COL5A1: variants seen among roughly 807,000 people sequenced by gnomAD.
The protein encoded by COL5A1 is collagen alpha-1(V) chain.
Under a neutral mutation model 263.7 loss-of-function variants are expected in COL5A1, and 16 were observed. The observed-to-expected ratio is 0.06, with a 90% CI of 0.04 to 0.09. The LOEUF (loss-of-function observed/expected upper bound fraction) is 0.09. COL5A1 is among the 10% of genes least tolerant of loss of function. The probability of loss-of-function intolerance (pLI) is 1.00; values close to 1 mark genes in which losing one functional copy is unlikely to be tolerated. For synonymous variants in COL5A1, 1,012 were observed against 1,004.5 expected (o/e 1.01, Z -0.14); for missense variants, 2,036 against 2,540.5 (o/e 0.80, Z 4.27).
Position 134,681,922 on chromosome 9 carries a change from G to T in COL5A1, c.110-8990G>T, listed in dbSNP as rs925265487. 6.6e-6 allele frequency among the ~76,000 whole-genome samples: 1 copy of T among 150,488 alleles called. No individual in the cohort carries two copies. The highest frequency in any genetic ancestry group is 2.4e-5 in the African/African-American group (1 of 40,858). ...CTCCCTCTCTCTTTCTGTCTGTGTAGCTCTCTCTCTCTCCCTCTCTCTCCC... is the reference window on the plus strand; with the variant it reads ...CTCCCTCTCTCTTTCTGTCTGTGTATCTCTCTCTCTCTCCCTCTCTCTCCC... On this transcript the variant is annotated intron_variant, in intron 1 of 65. Coordinates refer to ENST00000371817, the MANE Select transcript of COL5A1 (RefSeq NM_000093.5). This position sits in a 1 kb window ranked among gnomAD's most constrained non-coding sequence, Gnocchi z 4.3.
chr9:134,792,087 G>A (rs1264410700), intron 32 of COL5A1, among the ~76,000 whole-genome samples: 1 of 152,220 alleles, frequency 6.6e-6, no homozygotes, highest in Non-Finnish European at 1.5e-5. Context: ...CAGAGCTGTG[G>A]GGTCAGGAGG....
At chr9:134,774,675 A>G (rs1276772571) in intron 26 of COL5A1, among the ~76,000 whole-genome samples, 184 bp from the exon 27 acceptor site, 1 of 152,064 alleles carries the variant, frequency 6.6e-6, no homozygotes, top group Non-Finnish European at 1.5e-5. Flanking sequence ...CCACACCTCC[A>G]CTGTCAGTGC....
intron 1 of COL5A1, among the ~76,000 whole-genome samples, chr9:134,643,143 G>A (rs1028170492): frequency 1.1e-4 from 16 of 152,278 alleles, no homozygotes; most frequent in African/African-American, 3.4e-4. Context: ...TCCCTGCCTG[G>A]GTTCTCGAGG....
chr9:134,695,141 G>A (rs1183487318), intron 2 of COL5A1, among the ~76,000 whole-genome samples: 1 of 151,568 alleles, frequency 6.6e-6, no homozygotes, highest in African/African-American at 2.4e-5. Context: ...TCTCTATTTT[G>A]TCCTCTGTAG....
chr9:134,730,514 TG>T, intron 7 of COL5A1, 39 bp downstream of exon 7: 1 of 1,612,776 alleles, frequency 6.2e-7, no homozygotes, highest in South Asian at 1.1e-5. Context: ...TCTGGGGCAG[TG>T]GGCCAAGGGC....
At chr9:134,811,628 C>G in intron 46 of COL5A1, 29 bp downstream of exon 46, 1 of 1,504,298 alleles carries the variant, frequency 6.6e-7, no homozygotes, top group Non-Finnish European at 9.1e-7. Context: ...CCACACCGGG[C>G]TCCTCCGCTT....
chr9:134,816,103 T>C lies in COL5A1; in HGVS notation c.4122+115T>C, dbSNP rs28658270. The C allele has an allele frequency of 8.7e-6, 8 of 916,546 alleles. No individual in the cohort carries two copies. The African/African-American group carries it at 9.8e-5, about 11-fold the overall frequency. 56.8% of individuals were successfully genotyped at this position (916,546 alleles called of 1,614,324 possible). A position where few individuals can be genotyped will look rare whatever the true frequency, so the allele number is the denominator to read the frequency against. On this transcript the variant is annotated intron_variant, in intron 52 of 65. Transcript: ENST00000371817. ...CTCCAACCTAGTTGATATTGATTCC[T>C]TTATGATATCGATTCCCTTATGATA... is the stretch of plus-strand genomic sequence containing the variant.
intron 31 of COL5A1, among the ~76,000 whole-genome samples, chr9:134,787,327 A>T (rs938332722): frequency 6.6e-6 from 1 of 152,174 alleles, no homozygotes; most frequent in African/African-American, 2.4e-5. Flanking sequence ...TGTCACCTGC[A>T]CTGAGGTTTC....
chr9:134,771,195 G>C (rs1001739979), intron 25 of COL5A1, among the ~76,000 whole-genome samples: 3 of 152,272 alleles, frequency 2.0e-5, no homozygotes, highest in African/African-American at 7.2e-5. Context: ...GCCCGGTCCA[G>C]AGCCGGGCTC....
chr9:134,721,904 T>C (rs1437789908), intron 4 of COL5A1, among the ~76,000 whole-genome samples: 3 of 152,196 alleles, frequency 2.0e-5, no homozygotes, highest in Admixed American at 1.3e-4. Flanking sequence ...CTCACCTGCA[T>C]GTGTAGGGAA....
In COL5A1 at chr9:134,647,103, T is replaced by C. The variant is rs1349749684; in HGVS notation, c.109+4807T>C. 6.6e-6 allele frequency among the ~76,000 whole-genome samples: 1 copy of C among 152,128 alleles called. No individual in the cohort carries two copies. Among genetic ancestry groups the C allele is most frequent in the African/African-American group, 2.4e-5 (1 of 41,442 alleles). On this transcript the variant is annotated intron_variant, in intron 1 of 65. Transcript: ENST00000371817. This position sits in a 1 kb window ranked among gnomAD's most constrained non-coding sequence, Gnocchi z 5.0. Reference sequence around the variant, plus strand: ...GTGGTTTTGCAGGAGGAAAGAGCAGTGTTCCCACAGCCCTCTTTAGCTCCC... The same window carrying C: ...GTGGTTTTGCAGGAGGAAAGAGCAGCGTTCCCACAGCCCTCTTTAGCTCCC...
rs945617682 is a variant in COL5A1 at position 134,842,730 on chromosome 9, A to C, written c.*427A>C. ...TGTGTATTTCCCCTGACCTTCAAAA[A>C]ATGTTCCAAGGTAAGCCTCGTAAAG... is the stretch of plus-strand genomic sequence containing the variant. On this transcript the variant is annotated 3_prime_UTR_variant, in exon 66 of 66. Coordinates refer to ENST00000371817, the MANE Select transcript of COL5A1 (RefSeq NM_000093.5). The surrounding 1 kb of genome is among the most constrained non-coding windows in gnomAD (Gnocchi z 5.8). 1 of 231,816 alleles carries C rather than the reference A, an allele frequency of 4.3e-6. No homozygotes were observed. Among genetic ancestry groups the C allele is most frequent in the Non-Finnish European group, 8.6e-6 (1 of 116,330 alleles). The allele number at this position is 231,816 out of a possible 1,614,324, so 14.4% of individuals were successfully genotyped here.
At chr9:134,774,165 C>A (rs1317924236) in intron 26 of COL5A1, among the ~76,000 whole-genome samples, 1 of 152,242 alleles carries the variant, frequency 6.6e-6, no homozygotes, top group African/African-American at 2.4e-5. Context: ...CCTCTATGTG[C>A]CAGGCATCCT....
In COL5A1 at chr9:134,739,450, G is replaced by C. The variant is rs1030931160; in HGVS notation, c.1494+642G>C. Among the ~76,000 whole-genome samples, 84 of 152,364 alleles carry C rather than the reference G, an allele frequency of 5.5e-4. 1 individual carries two copies. The highest frequency in any genetic ancestry group is 2.0e-3 in the African/African-American group (83 of 41,594). On this transcript the variant is annotated intron_variant, in intron 11 of 65. Transcript: ENST00000371817. Reference sequence around the variant, plus strand: ...TCCTGGACAGCTGGCTTGTGGGTGGGAGAAACAAGGGCTGCGTGCGGGTGT... The same window carrying C: ...TCCTGGACAGCTGGCTTGTGGGTGGCAGAAACAAGGGCTGCGTGCGGGTGT...
rs550498117 is a variant in COL5A1 at position 134,754,523 on chromosome 9, A to G, written c.1827+197A>G. ...GAGGGGCGCTCTGTGTCCTGGGCGCAGACACAGCGGACCAGGCCTCTTCCC... is the reference window on the plus strand; with the variant it reads ...GAGGGGCGCTCTGTGTCCTGGGCGCGGACACAGCGGACCAGGCCTCTTCCC... On this transcript the variant is annotated intron_variant, in intron 16 of 65. Transcript: ENST00000371817. This position sits in a 1 kb window ranked among gnomAD's most constrained non-coding sequence, Gnocchi z 4.3. Among the ~76,000 whole-genome samples the G allele has an allele frequency of 9.8e-5, 15 of 152,364 alleles. No homozygotes were observed. Among genetic ancestry groups the G allele is most frequent in the African/African-American group, 3.1e-4 (13 of 41,590 alleles).
intron 52 of COL5A1, among the ~76,000 whole-genome samples, chr9:134,816,413 T>C (rs1450512916): frequency 6.6e-6 from 1 of 152,224 alleles, no homozygotes; most frequent in Admixed American, 6.5e-5. Context: ...AAACACCGCT[T>C]CAAGCCCAGA....
Position 134,782,717 on chromosome 9 carries a change from T to C in COL5A1, c.2481T>C (p.Asp827=). 1 of 1,613,342 alleles carries C rather than the reference T, an allele frequency of 6.2e-7. No individual in the cohort carries two copies. Among genetic ancestry groups the C allele is most frequent in the Non-Finnish European group, 8.5e-7 (1 of 1,179,840 alleles). ...AAGGAGACATGGGCATCAAGGGTGATCGGGTGAGCATCTCAGGTTTGGGAT... is the reference window on the plus strand; with the variant it reads ...AAGGAGACATGGGCATCAAGGGTGACCGGGTGAGCATCTCAGGTTTGGGAT... ...GFKGDMGIKG[D]RGEIGPPGPR... The change falls in exon 29 of 66, where the codon GAT becomes GAC. Residue 827 remains aspartate, a synonymous_variant. Coordinates refer to ENST00000371817, the MANE Select transcript of COL5A1 (RefSeq NM_000093.5).
Position 134,730,247 on chromosome 9 carries a change from G to C in COL5A1, c.936G>C (p.Pro312=). 6.2e-7 allele frequency: 1 copy of C among 1,613,816 alleles called. No homozygotes were observed. Among genetic ancestry groups the C allele is most frequent in the South Asian group, 1.1e-5 (1 of 91,084 alleles). Reference sequence around the variant, plus strand: ...TCCTTGGCTCCCAGGAGCTGACCCCGACCCCCACGGAAGCTGCTCCCATGC... The same window carrying C: ...TCCTTGGCTCCCAGGAGCTGACCCCCACCCCCACGGAAGCTGCTCCCATGC... ...ETTEVPEELT[P]TPTEAAPMPE... The change falls in exon 7 of 66, where the codon CCG becomes CCC. Residue 312 remains proline (P), a synonymous_variant. Transcript: ENST00000371817.
chr9:134,777,544 G>A (rs1837098015), intron 27 of COL5A1, among the ~76,000 whole-genome samples: 1 of 152,220 alleles, frequency 6.6e-6, no homozygotes, highest in African/African-American at 2.4e-5. Flanking sequence ...ATCCTGAAAC[G>A]GTAGAACTGT....
Sources: allele counts gnomAD v4.1 joint callset (sites outside exome capture counted in the v4.1 genomes callset), GRCh38; gene constraint gnomAD v4.1.1; non-coding constraint Gnocchi (gnomAD v3.1); transcripts MANE v1.5; gene names NCBI Gene and HGNC (gene_info 2026-07-23, HGNC 2026-07-21).